Variants in NUP214 observed in about 807,000 individuals in gnomAD.
The protein encoded by NUP214 is nucleoporin 214, also known as nuclear pore complex protein Nup214.
NUP214 carries 79 observed loss-of-function variants against 196.2 expected under a neutral mutation model. The observed-to-expected ratio is 0.40, with a 90% CI of 0.34 to 0.49. The LOEUF (loss-of-function observed/expected upper bound fraction) is 0.49, where lower values mean the gene tolerates loss of function less well. Ranked by LOEUF, NUP214 falls within the 20% of genes least tolerant of loss-of-function variation. The pLI is 0.58. For missense variants in NUP214, 2,468 were observed against 2,539.0 expected (o/e 0.97, Z 0.60); for synonymous variants, 1,020 against 990.5 (o/e 1.03, Z -0.56).
At chr9:131,174,432 CTTTT>C in intron 22 of NUP214, 114 bp downstream of exon 22, 7 of 382,962 alleles carry the variant, frequency 1.8e-5, no homozygotes, top group Admixed American at 7.1e-5. Flanking sequence ...CTCCAGCCCA[CTTTT>C]TTTTTTTTTT....
chr9:131,140,802 T>C, intron 11 of NUP214, 92 bp downstream of exon 11: 1 of 1,281,476 alleles, frequency 7.8e-7, no homozygotes, highest in South Asian at 1.4e-5. Flanking sequence ...AGACACATAG[T>C]GATTATCTTT....
Position 131,125,635 on chromosome 9 carries a change from G to C in NUP214, c.-70G>C, listed in dbSNP as rs1156348862. The C allele has an allele frequency of 3.9e-6, 6 of 1,540,736 alleles. No homozygotes were observed. The highest frequency in any genetic ancestry group is 5.3e-6 in the Non-Finnish European group (6 of 1,142,148). On this transcript the variant is annotated 5_prime_UTR_variant, in exon 1 of 36. Transcript: ENST00000359428. This position sits in a 1 kb window ranked among gnomAD's most constrained non-coding sequence, Gnocchi z 4.1. ...CTGAGGGGAGGAAGTTTGCTGTCGA[G>C]CGGCCTGGGTTCCGTGGGCAAGGCC...
chr9:131,197,701 A>C lies in NUP214; in HGVS notation c.4207A>C (p.Thr1403Pro). The change falls in exon 29 of 36, where the codon ACC becomes CCC. Residue 1403 changes from threonine (T) to proline (P), a missense_variant. Coordinates refer to ENST00000359428, the MANE Select transcript of NUP214 (RefSeq NM_005085.4). ...TTTSVAPPAATSTSSTAVFGS... is the reference protein window; with the variant it reads ...TTTSVAPPAAPSTSSTAVFGS... ...CACCTCAGTAGCACCACCAGCAGCCACCAGCACTTCCTCAACTGCCGTTTT... is the reference window on the plus strand; with the variant it reads ...CACCTCAGTAGCACCACCAGCAGCCCCCAGCACTTCCTCAACTGCCGTTTT... 1.2e-6 allele frequency: 2 copies of C among 1,614,158 alleles called. No individual in the cohort carries two copies. Among genetic ancestry groups the C allele is most frequent in the Non-Finnish European group, 1.7e-6 (2 of 1,180,008 alleles).
Position 131,128,478 on chromosome 9 carries a change from A to G in NUP214, c.388A>G (p.Asn130Asp). Reference protein sequence around the residue: ...IAFFDVRTFSNEAKQQKRPFA... With the variant: ...IAFFDVRTFSDEAKQQKRPFA... ...TTTTTTTGATGTTCGCACATTCTCA[A>G]ATGAGGTAAGCTACTGTTATACTGT... is the stretch of plus-strand genomic sequence containing the variant. Residue 130 changes from asparagine to aspartate, a missense_variant, in exon 3 of 36, where the codon AAT becomes GAT. Around this residue, in one of 5 missense-constraint regions of NUP214, gnomAD observed 392 missense variants for 417.9 expected, o/e 0.94. Coordinates refer to ENST00000359428, the MANE Select transcript of NUP214 (RefSeq NM_005085.4). The G allele has an allele frequency of 1.2e-6, 2 of 1,612,038 alleles. No individual in the cohort carries two copies. Among genetic ancestry groups the G allele is most frequent in the South Asian group, 1.1e-5 (1 of 90,804 alleles).
chr9:131,227,847 G>A (rs1447459895), intron 32 of NUP214, among the ~76,000 whole-genome samples: 1 of 152,084 alleles, frequency 6.6e-6, no homozygotes, highest in South Asian at 2.1e-4. Flanking sequence ...CTGCTCACAC[G>A]GCTTCACAGT....
intron 8 of NUP214, 100 bp downstream of exon 8, chr9:131,135,104 T>C: frequency 1.2e-6 from 1 of 859,728 alleles, no homozygotes; most frequent in South Asian, 1.5e-5. Flanking sequence ...GATTGATTGA[T>C]GGATTGGCAG....
At chr9:131,175,664 GCTGT>G (rs757186629) in intron 23 of NUP214, 43 bp downstream of exon 23, 1 of 1,595,174 alleles carries the variant, frequency 6.3e-7, no homozygotes, top group South Asian at 1.1e-5. Context: ...CTGATTATGA[GCTGT>G]CTGAGTCACA....
At chr9:131,182,133 A>G (rs770489356) in intron 24 of NUP214, among the ~76,000 whole-genome samples, 2 of 152,250 alleles carry the variant, frequency 1.3e-5, no homozygotes, top group Non-Finnish European at 2.9e-5. Context: ...AGCAATGTGA[A>G]TGTACTTAGT....
At chr9:131,203,308 C>T (rs979762028) in intron 30 of NUP214, among the ~76,000 whole-genome samples, 4 of 152,074 alleles carry the variant, frequency 2.6e-5, no homozygotes, top group Non-Finnish European at 5.9e-5. Flanking sequence ...AAGATAGGTG[C>T]GATTATTATC....
chr9:131,157,812 A>T (rs1443222003), intron 17 of NUP214, among the ~76,000 whole-genome samples: 1 of 151,604 alleles, frequency 6.6e-6, no homozygotes, highest in African/African-American at 2.4e-5. Context: ...CACCCGGGTA[A>T]TTCTTGTATT....
At chr9:131,216,111 C>T (rs538735231) in intron 31 of NUP214, among the ~76,000 whole-genome samples, 6 of 151,840 alleles carry the variant, frequency 4.0e-5, no homozygotes, top group Non-Finnish European at 7.4e-5. Flanking sequence ...CCATGTTGAC[C>T]AGGCTGGTCT....
At chr9:131,209,515 C>T (rs1481998457) in intron 30 of NUP214, among the ~76,000 whole-genome samples, 1 of 151,962 alleles carries the variant, frequency 6.6e-6, no homozygotes, top group Non-Finnish European at 1.5e-5. Flanking sequence ...CTCAGCCTCT[C>T]AAGTAGTAGC....
At chr9:131,156,196 G>C (rs1002416734) in intron 17 of NUP214, among the ~76,000 whole-genome samples, 1 of 134,910 alleles carries the variant, frequency 7.4e-6, no homozygotes, top group Admixed American at 8.3e-5. Flanking sequence ...ACAGTGGCAC[G>C]ATCTCGGCTC....
chr9:131,228,341 CTGGGGAGGGCCCT>C lies in NUP214; in HGVS notation c.6074+15_6074+27del. 1 of 1,572,658 alleles carries C rather than the reference CTGGGGAGGGCCCT, an allele frequency of 6.4e-7. No homozygotes were observed. Among genetic ancestry groups the C allele is most frequent in the Non-Finnish European group, 8.6e-7 (1 of 1,166,440 alleles). Reference sequence around the variant, plus strand: ...GCGCAGGAGGATTCGGGTAAGCCCCCTGGGGAGGGCCCTTGGGAACCCACACGCCAGCCAAAAA... The same window carrying C: ...GCGCAGGAGGATTCGGGTAAGCCCCCTGGGAACCCACACGCCAGCCAAAAA... On this transcript the variant is annotated intron_variant, in intron 33 of 35. Transcript: ENST00000359428.
At chr9:131,233,357 C>A in intron 35 of NUP214, 97 bp from the exon 36 acceptor site, 1 of 1,248,212 alleles carries the variant, frequency 8.0e-7, no homozygotes, top group Non-Finnish European at 1.1e-6. Flanking sequence ...AATAAAAAAT[C>A]TGAGTCCTGA....
At chr9:131,167,097 C>G (rs567791849) in intron 21 of NUP214, 23 of 152,288 alleles carry the variant, frequency 1.5e-4, no homozygotes, top group African/African-American at 5.3e-4. Context: ...TTGATTGGAT[C>G]TAGGATCCAA....
Position 131,234,053 on chromosome 9 carries a change from G to A in NUP214, c.*566G>A. On this transcript the variant is annotated 3_prime_UTR_variant, in exon 36 of 36. Coordinates refer to ENST00000359428, the MANE Select transcript of NUP214 (RefSeq NM_005085.4). ...AGCCACTCATGCCAGCAGCAGTTGA[G>A]TTTCAGAAGCAGCCATAGCGCTTTT... 1 of 253,568 alleles carries A rather than the reference G, an allele frequency of 3.9e-6. No homozygotes were observed. Among genetic ancestry groups the A allele is most frequent in the Non-Finnish European group, 7.7e-6 (1 of 130,310 alleles). 15.7% of individuals were successfully genotyped at this position (253,568 alleles called of 1,614,324 possible). A position where few individuals can be genotyped will look rare whatever the true frequency, so the allele number is the denominator to read the frequency against.
chr9:131,205,718 G>A (rs112822074), intron 30 of NUP214, among the ~76,000 whole-genome samples: 4 of 152,070 alleles, frequency 2.6e-5, no homozygotes, highest in African/African-American at 7.2e-5. Context: ...TTTTTGAGAC[G>A]GAGCCTTACT....
At chr9:131,205,153 T>C (rs924499312) in intron 30 of NUP214, among the ~76,000 whole-genome samples, 17 of 152,164 alleles carry the variant, frequency 1.1e-4, no homozygotes, top group African/African-American at 4.1e-4. Context: ...AGATACTGTT[T>C]GGAAAGAAGG....
Sources: gnomAD v4.1 joint callset for allele counts (sites outside exome capture counted in the v4.1 genomes callset) on GRCh38, gnomAD v4.1.1 for gene constraint, gnomAD v4.1.1 regional missense constraint, Gnocchi (gnomAD v3.1) non-coding constraint, MANE v1.5 for transcripts, NCBI Gene and HGNC (gene_info 2026-07-23, HGNC 2026-07-21) for gene names.